Variants in PLPPR1 observed in about 807,000 individuals in gnomAD.
PLPPR1 encodes the protein phospholipid phosphatase related 1.
Under a neutral mutation model 33.1 loss-of-function variants are expected in PLPPR1, and 10 were observed. The observed-to-expected ratio is 0.30, with a 90% confidence interval of 0.19 to 0.51. The LOEUF (loss-of-function observed/expected upper bound fraction) is 0.51. Ranked by LOEUF, PLPPR1 falls within the 20% of genes least tolerant of loss-of-function variation. The pLI, the probability that PLPPR1 is intolerant of heterozygous loss-of-function variation, is 0.97. For synonymous variants in PLPPR1, 151 were observed against 151.0 expected (o/e 1.00, Z 0.00); for missense variants, 304 against 408.1 (o/e 0.74, Z 2.20).
chr9:101,169,996 C>T (rs1428104344), intron 1 of PLPPR1, among the ~76,000 whole-genome samples: 1 of 151,612 alleles, frequency 6.6e-6, no homozygotes, highest in Non-Finnish European at 1.5e-5. Flanking sequence ...GACCCAAGAC[C>T]TAAGAGTCAA....
intron 1 of PLPPR1, among the ~76,000 whole-genome samples, chr9:101,081,077 T>A (rs548104): frequency 0.68 from 103,276 of 151,958 alleles, 35,417 homozygotes; most frequent in East Asian, 0.89. Flanking sequence ...TCACCCATCC[T>A]TCCATTCTCT....
intron 4 of PLPPR1, among the ~76,000 whole-genome samples, chr9:101,308,978 CT>C (rs937709352): frequency 1.1e-4 from 17 of 152,234 alleles, no homozygotes; most frequent in African/African-American, 4.1e-4. Flanking sequence ...TTAGACTGTG[CT>C]TTTTCTAAAC....
At chr9:101,175,043 A>G (rs1825997342) in intron 1 of PLPPR1, among the ~76,000 whole-genome samples, 1 of 152,176 alleles carries the variant, frequency 6.6e-6, no homozygotes, top group Non-Finnish European at 1.5e-5. Flanking sequence ...AACTTCATAC[A>G]TTAGACCTGG....
intron 2 of PLPPR1, among the ~76,000 whole-genome samples, chr9:101,261,769 T>C (rs1048192298): frequency 6.6e-6 from 1 of 152,158 alleles, no homozygotes; most frequent in African/African-American, 2.4e-5. Context: ...TACTGCATGT[T>C]CTGACTTATA....
At position 101,214,421 on chromosome 9, in the gene PLPPR1, T is replaced by C. The variant is rs151104914; in HGVS notation, c.63+28864T>C. 1.1e-3 allele frequency among the ~76,000 whole-genome samples: 165 copies of C among 152,174 alleles called. 1 individual carries two copies. The highest frequency in any genetic ancestry group is 3.9e-3 in the African/African-American group (160 of 41,522). ...TGATAGGTGTGTAGATATATACACA[T>C]GCACACACACACATATACACACACG... is the stretch of plus-strand genomic sequence containing the variant. On this transcript the variant is annotated intron_variant, in intron 2 of 7. Transcript: ENST00000374874.
At chr9:101,226,894 G>T (rs528572387) in intron 2 of PLPPR1, among the ~76,000 whole-genome samples, 3 of 152,066 alleles carry the variant, frequency 2.0e-5, no homozygotes, top group Non-Finnish European at 2.9e-5. Context: ...AAAATGATTA[G>T]GTCTTTCTAT....
chr9:101,087,730 AT>A (rs1305238571), intron 1 of PLPPR1, among the ~76,000 whole-genome samples: 5 of 152,228 alleles, frequency 3.3e-5, no homozygotes, highest in Admixed American at 2.6e-4. Context: ...TACATAGATT[AT>A]CTGGGAAGTG....
chr9:101,142,149 G>A (rs1226168991), intron 1 of PLPPR1, among the ~76,000 whole-genome samples: 1 of 152,098 alleles, frequency 6.6e-6, no homozygotes, highest in African/African-American at 2.4e-5. Flanking sequence ...TATCTTACAT[G>A]TAAGTGAAAG....
chr9:101,106,479 C>A (rs1043200943), intron 1 of PLPPR1, among the ~76,000 whole-genome samples: 2 of 116,942 alleles, frequency 1.7e-5, no homozygotes, highest in Non-Finnish European at 3.4e-5. Context: ...TATTGGCCCC[C>A]ACTCTCTTCT....
chr9:101,275,501 G>A (rs867418099), intron 3 of PLPPR1, among the ~76,000 whole-genome samples: 1 of 152,170 alleles, frequency 6.6e-6, no homozygotes, highest in African/African-American at 2.4e-5. Flanking sequence ...AGAGCATGGG[G>A]GATTTACTGT....
chr9:101,177,435 C>T (rs28756158), intron 1 of PLPPR1, among the ~76,000 whole-genome samples: 332 of 152,168 alleles, frequency 2.2e-3, no homozygotes, highest in African/African-American at 7.5e-3. Flanking sequence ...AGAAACAAAA[C>T]TGATGTATGT....
At chr9:101,095,817 G>T (rs16919836) in intron 1 of PLPPR1, among the ~76,000 whole-genome samples, 1 of 151,908 alleles carries the variant, frequency 6.6e-6, no homozygotes, top group African/African-American at 2.4e-5. Flanking sequence ...TCTGAAGGAG[G>T]CTGAATTCAT....
At chr9:101,189,113 A>C (rs1826253125) in intron 2 of PLPPR1, among the ~76,000 whole-genome samples, 1 of 152,142 alleles carries the variant, frequency 6.6e-6, no homozygotes. Context: ...GGAGACCCTC[A>C]GAACATGTGC....
At chr9:101,079,480 T>C (rs1830590300) in intron 1 of PLPPR1, among the ~76,000 whole-genome samples, 1 of 152,164 alleles carries the variant, frequency 6.6e-6, no homozygotes, top group Admixed American at 6.5e-5. Context: ...TTTATCCTCA[T>C]GCTAAATAAT....
chr9:101,234,300 C>T (rs1827250615), intron 2 of PLPPR1, among the ~76,000 whole-genome samples: 1 of 151,846 alleles, frequency 6.6e-6, no homozygotes, highest in Admixed American at 6.6e-5. Flanking sequence ...GTGAGTTTAC[C>T]TTGAAATGTT....
intron 1 of PLPPR1, among the ~76,000 whole-genome samples, chr9:101,079,619 G>A (rs758330967): frequency 1.6e-4 from 24 of 147,104 alleles, no homozygotes; most frequent in African/African-American, 4.8e-4. Flanking sequence ...TAGCTCTTTC[G>A]CCCAGGCTGG....
chr9:101,180,785 A>G (rs1171672673), intron 1 of PLPPR1, among the ~76,000 whole-genome samples: 2 of 152,002 alleles, frequency 1.3e-5, no homozygotes, highest in African/African-American at 2.4e-5. Flanking sequence ...CTGTAAAACT[A>G]CAAGAAGAAA....
chr9:101,059,650 G>A (rs1349027248), intron 1 of PLPPR1, among the ~76,000 whole-genome samples: 1 of 151,992 alleles, frequency 6.6e-6, no homozygotes, highest in Non-Finnish European at 1.5e-5. Flanking sequence ...TAAAAAATGG[G>A]CAAAGGGCCT....
intron 2 of PLPPR1, among the ~76,000 whole-genome samples, chr9:101,231,360 TTG>T (rs1398636704): frequency 2.8e-5 from 3 of 106,452 alleles, no homozygotes; most frequent in African/African-American, 6.2e-5. Flanking sequence ...ATGAGATCGT[TTG>T]TTTTTTTTTT....
Sources: gnomAD v4.1 joint callset for allele counts (sites outside exome capture counted in the v4.1 genomes callset) on GRCh38, gnomAD v4.1.1 for gene constraint, MANE v1.5 for transcripts, NCBI Gene and HGNC (gene_info 2026-07-23, HGNC 2026-07-21) for gene names.